MAP2K3: variants seen among roughly 807,000 people sequenced by gnomAD.
MAP2K3 encodes the protein mitogen-activated protein kinase kinase 3, also known as dual specificity mitogen-activated protein kinase kinase 3.
Under a neutral mutation model 46.4 loss-of-function variants are expected in MAP2K3, and 30 were observed. That is an observed-to-expected ratio of 0.65 (90% confidence interval 0.48 to 0.88). The LOEUF (loss-of-function observed/expected upper bound fraction) is 0.88. MAP2K3 is among the 40% of genes least tolerant of loss of function. The pLI is 0.00. For synonymous variants in MAP2K3, 189 were observed against 176.3 expected, an observed-to-expected ratio of 1.07 and a Z score of -0.57; for missense variants, 380 against 464.5, an observed-to-expected ratio of 0.82 and a Z score of 1.67.
In MAP2K3 at chr17:21,300,932, T is replaced by G; in HGVS notation, c.338T>G (p.Ile113Ser). ...EQKRLLMDLDINMRTVDCFYT... is the reference protein window; with the variant it reads ...EQKRLLMDLDSNMRTVDCFYT... ...AAGCGGCTGCTCATGGACCTGGACA[T>G]CAACATGCGCACGGTCGACTGTTTC... The change falls in exon 5 of 12, where the codon ATC becomes AGC. Residue 113 changes from isoleucine (I) to serine (S), a missense_variant. Transcript: ENST00000342679. 1 of 1,614,264 alleles carries G rather than the reference T, an allele frequency of 6.2e-7. No individual in the cohort carries two copies. The highest frequency in any genetic ancestry group is 8.5e-7 in the Non-Finnish European group (1 of 1,180,048).
intron 1 of MAP2K3, among the ~76,000 whole-genome samples, chr17:21,291,998 G>T (rs1350993156): frequency 6.6e-6 from 1 of 152,310 alleles, no homozygotes; most frequent in South Asian, 2.1e-4. Context: ...CCGACGCTGT[G>T]GTGGTTTCTC....
intron 1 of MAP2K3, among the ~76,000 whole-genome samples, chr17:21,297,270 G>A (rs1471350447): frequency 1.3e-5 from 2 of 152,310 alleles, no homozygotes; most frequent in East Asian, 1.9e-4. Context: ...CAGAGACTGG[G>A]GTCTTCTTGG....
At chr17:21,286,730 T>C (rs547220938) in intron 1 of MAP2K3, among the ~76,000 whole-genome samples, 25 of 152,030 alleles carry the variant, frequency 1.6e-4, no homozygotes, top group African/African-American at 3.1e-4. Context: ...AGTTGCAGAG[T>C]TGTGAAAGGA....
In MAP2K3 at chr17:21,302,272, G is replaced by A. The variant is rs1481876632; in HGVS notation, c.516+13G>A. The A allele has an allele frequency of 1.9e-6, 3 of 1,605,320 alleles. No individual in the cohort carries two copies. Among genetic ancestry groups the A allele is most frequent in the East Asian group, 2.2e-5 (1 of 44,740 alleles). On this transcript the variant is annotated intron_variant, in intron 6 of 11. Transcript: ENST00000342679. ...GATTGCTGTGTCTGTGAGTGGCCTG[G>A]GTGGGCTGGCGGGGGGTCCTAGGTG... is the stretch of plus-strand genomic sequence containing the variant.
At chr17:21,295,500 G>A (rs1407638160) in intron 1 of MAP2K3, 31 of 909,824 alleles carry the variant, frequency 3.4e-5, no homozygotes, top group Admixed American at 6.2e-5. Context: ...CACAACGGCT[G>A]CACCTGGGCA....
chr17:21,313,092 C>T (rs1977241218), intron 10 of MAP2K3, among the ~76,000 whole-genome samples: 1 of 152,106 alleles, frequency 6.6e-6, no homozygotes, highest in South Asian at 2.1e-4. Context: ...ACAGAGGAGC[C>T]CAGCAGAGTC....
chr17:21,293,475 C>T (rs148668361), intron 1 of MAP2K3, among the ~76,000 whole-genome samples: 165 of 152,370 alleles, frequency 1.1e-3, no homozygotes, highest in Non-Finnish European at 1.8e-3. Flanking sequence ...CCCTGTGCAG[C>T]TGAGCATCTG....
chr17:21,298,402 C>T lies in MAP2K3; in HGVS notation c.50-11C>T, dbSNP rs1253050597. ...GGATAGGCCAGACGCCTCACCTTCT[C>T]TCCATTCTAGGAAAATCCAAGAGGA... On this transcript the variant is annotated splice_polypyrimidine_tract_variant and intron_variant, in intron 1 of 11. Coordinates refer to ENST00000342679, the MANE Select transcript of MAP2K3 (RefSeq NM_145109.3). The T allele has an allele frequency of 6.2e-7, 1 of 1,614,318 alleles. No individual in the cohort carries two copies. The highest frequency in any genetic ancestry group is 8.5e-7 in the Non-Finnish European group (1 of 1,180,060).
intron 5 of MAP2K3, 82 bp from the exon 6 acceptor site, chr17:21,302,061 G>A: frequency 7.3e-7 from 1 of 1,373,704 alleles, no homozygotes; most frequent in Non-Finnish European, 1.0e-6. Flanking sequence ...CTGGGGCTGG[G>A]GCTGGTGCTG....
At chr17:21,307,912 A>G (rs1253338648) in intron 9 of MAP2K3, among the ~76,000 whole-genome samples, 1 of 145,380 alleles carries the variant, frequency 6.9e-6, no homozygotes, top group Non-Finnish European at 1.5e-5. Context: ...CTGGAGTGCA[A>G]TGGCATGATC....
At chr17:21,306,937 C>T (rs554316685) in intron 9 of MAP2K3, among the ~76,000 whole-genome samples, 596 of 152,388 alleles carry the variant, frequency 3.9e-3, no homozygotes, top group African/African-American at 0.014. Flanking sequence ...AGGTGTGTGC[C>T]CCTATGCCCA....
At chr17:21,298,252 C>G in intron 1 of MAP2K3, 161 bp from the exon 2 acceptor site, 3 of 1,044,168 alleles carry the variant, frequency 2.9e-6, no homozygotes, top group African/African-American at 1.6e-5. Flanking sequence ...CCTCCTTCCC[C>G]CTTTGAAGGC....
At chr17:21,289,783 G>A (rs1218800968) in intron 1 of MAP2K3, among the ~76,000 whole-genome samples, 1 of 152,204 alleles carries the variant, frequency 6.6e-6, no homozygotes, top group African/African-American at 2.4e-5. Context: ...GCCTGACTGC[G>A]GCAGCTCCAG....
chr17:21,287,973 C>T (rs913235796), intron 1 of MAP2K3: 3 of 1,240,154 alleles, frequency 2.4e-6, no homozygotes, highest in Non-Finnish European at 3.2e-6. Flanking sequence ...CTTCCCCCAC[C>T]CCTCTTGTGA....
chr17:21,306,101 C>A (rs1976879944), intron 9 of MAP2K3, among the ~76,000 whole-genome samples: 1 of 152,244 alleles, frequency 6.6e-6, no homozygotes, highest in Non-Finnish European at 1.5e-5. Context: ...CAGTGCCCTG[C>A]AGTTCCGTTC....
chr17:21,301,061 C>T lies in MAP2K3; in HGVS notation c.399+68C>T, dbSNP rs1976572226. ...CCATCAGTCGCCTGCAACCCACTGT[C>T]ACTCAGTCCCTCCAGTACGCCAGGT... On this transcript the variant is annotated intron_variant, in intron 5 of 11. Transcript: ENST00000342679. The T allele has an allele frequency of 1.9e-6, 3 of 1,611,628 alleles. No individual in the cohort carries two copies. In the Admixed American group the frequency reaches 5.0e-5, roughly 27 times the overall value.
chr17:21,304,389 T>C (rs1391631128), intron 7 of MAP2K3, 37 bp from the exon 8 acceptor site: 1 of 1,614,216 alleles, frequency 6.2e-7, no homozygotes. Flanking sequence ...CCAGTCGTGC[T>C]CCACAGACGT....
intron 3 of MAP2K3, 30 bp downstream of exon 3, chr17:21,298,956 C>T (rs369361897): frequency 6.2e-7 from 1 of 1,613,418 alleles, no homozygotes; most frequent in Non-Finnish European, 8.5e-7. Context: ...CCTGCAGGGC[C>T]TCTCACTTCA....
chr17:21,293,268 C>T (rs1033080308), intron 1 of MAP2K3, among the ~76,000 whole-genome samples: 13 of 152,420 alleles, frequency 8.5e-5, no homozygotes, highest in East Asian at 1.9e-4. Flanking sequence ...CTGTCTTTCA[C>T]GTGCCTTGTG....
Sources: allele counts gnomAD v4.1 joint callset (sites outside exome capture counted in the v4.1 genomes callset), GRCh38; gene constraint gnomAD v4.1.1; transcripts MANE v1.5; gene names NCBI Gene and HGNC (gene_info 2026-07-23, HGNC 2026-07-21).